Variants in ARHGAP45 observed in about 807,000 individuals in gnomAD.
The protein encoded by ARHGAP45 is Rho GTPase activating protein 45, also known as rho GTPase-activating protein 45.
ARHGAP45 carries 56 observed loss-of-function variants against 116.1 expected under a neutral mutation model. The ratio of observed to expected loss-of-function variants is 0.48; its 90% CI spans 0.39 to 0.60. ARHGAP45 has a LOEUF of 0.60. Ranked by LOEUF, ARHGAP45 falls within the 20% of genes least tolerant of loss-of-function variation. ARHGAP45 has a pLI of 0.00. For missense variants in ARHGAP45, 1,622 were observed against 1,601.0 expected, an observed-to-expected ratio of 1.01 and a Z score of -0.22; for synonymous variants, 866 against 701.7, an observed-to-expected ratio of 1.23 and a Z score of -3.70.
In ARHGAP45 at chr19:1,073,162, C is replaced by A. The variant is rs2043171427; in HGVS notation, c.435C>A (p.Ala145=). 6.2e-7 allele frequency: 1 copy of A among 1,607,590 alleles called. No homozygotes were observed. The highest frequency in any genetic ancestry group is 1.3e-5 in the African/African-American group (1 of 74,866). The stretch of plus-strand genomic sequence containing the variant: ...TCTCCCCAGCAGACCTCCTTGAGGC[C>A]CGCCGCCCGCGGGCCCACGAGTGCC... ...ECVLRDDLLE[A]RRPRAHECLG... Residue 145 remains alanine (A), a synonymous_variant, in exon 3 of 23, where the codon GCC becomes GCA. Coordinates refer to ENST00000313093, the MANE Select transcript of ARHGAP45 (RefSeq NM_012292.5).
chr19:1,082,996 C>T lies in ARHGAP45; in HGVS notation c.2674C>T (p.Arg892Trp). ...GGCGGTGGCCCTGGCAGGTCGGCTG[C>T]GGGAGCTCCTGCGGGACCTGCCGCC... Reference protein sequence around the residue: ...AVAVALAGRLRELLRDLPPEN... With the variant: ...AVAVALAGRLWELLRDLPPEN... The change falls in exon 20 of 23, where the codon CGG (arginine) becomes TGG (tryptophan). Residue 892 changes from arginine (R) to tryptophan (W), a missense_variant. Arg to Trp is a moderately radical substitution (Grantham distance 101, BLOSUM62 -3). Around this residue, in one of 3 missense-constraint regions of ARHGAP45, gnomAD observed 1,334 missense variants for 1,263.8 expected, o/e 1.06. Transcript: ENST00000313093. 1 of 1,548,650 alleles carries T rather than the reference C, an allele frequency of 6.5e-7. No individual in the cohort carries two copies. Among genetic ancestry groups the T allele is most frequent in the Non-Finnish European group, 8.7e-7 (1 of 1,151,936 alleles).
chr19:1,076,912 A>T, intron 10 of ARHGAP45: 2 of 513,038 alleles, frequency 3.9e-6, no homozygotes, highest in Non-Finnish European at 5.0e-6. Flanking sequence ...ATTTTTTTGT[A>T]GAGATGGGGT....
chr19:1,073,172 C>T lies in ARHGAP45; in HGVS notation c.445C>T (p.Arg149Trp), dbSNP rs758118205. 1.1e-5 allele frequency: 17 copies of T among 1,609,892 alleles called. No individual in the cohort carries two copies. In the South Asian group the frequency reaches 1.1e-4, roughly 10 times the overall value. ...RDDLLEARRPRAHECLGEALR... is the reference protein window; with the variant it reads ...RDDLLEARRPWAHECLGEALR... ...AGACCTCCTTGAGGCCCGCCGCCCG[C>T]GGGCCCACGAGTGCCTGGGTGAGGC... Residue 149 changes from arginine (R) to tryptophan (W), a missense_variant, in exon 3 of 23, where the codon CGG becomes TGG. Physicochemically the swap from Arg to Trp is moderately radical, Grantham distance 101. Coordinates refer to ENST00000313093, the MANE Select transcript of ARHGAP45 (RefSeq NM_012292.5).
At chr19:1,084,588 G>T (rs991283267) in intron 22 of ARHGAP45, among the ~76,000 whole-genome samples, 6 of 152,238 alleles carry the variant, frequency 3.9e-5, no homozygotes, top group African/African-American at 1.4e-4. Flanking sequence ...CCAGTAACGT[G>T]AACGTGGGGC....
At chr19:1,077,454 G>A in intron 10 of ARHGAP45, 1 of 1,017,682 alleles carries the variant, frequency 9.8e-7, no homozygotes, top group East Asian at 8.3e-5. Context: ...TTGGCTCACT[G>A]CAACCTTCGC....
rs764088710 is a variant in ARHGAP45 at position 1,082,955 on chromosome 19, C to T, written c.2633C>T (p.Ser878Leu). ...GCGTCCCGGGGCCGGCAGGACGGCT[C>T]GGAGAGCGAGGCAGTGGCGGTGGCC... ...KAASRGRQDG[S>L]ESEAVAVALA... The change falls in exon 20 of 23, where the codon TCG (serine) becomes TTG (leucine). Residue 878 changes from serine to leucine, a missense_variant. Around this residue, in one of 3 missense-constraint regions of ARHGAP45, gnomAD observed 1,334 missense variants for 1,263.8 expected, o/e 1.06. Transcript: ENST00000313093. 2 of 1,571,066 alleles carry T rather than the reference C, an allele frequency of 1.3e-6. No individual in the cohort carries two copies. Among genetic ancestry groups the T allele is most frequent in the South Asian group, 1.2e-5 (1 of 86,768 alleles).
At position 1,084,267 on chromosome 19, in the gene ARHGAP45, A is replaced by G. The variant is rs767055325; in HGVS notation, c.2985A>G (p.Val995=). 6 of 1,613,286 alleles carry G rather than the reference A, an allele frequency of 3.7e-6. No individual in the cohort carries two copies. In the Admixed American group the frequency reaches 8.3e-5, roughly 22 times the overall value. ...AGTCATCCAACCAGCGAGCTGAGGT[A>G]GTCGTCCAGGTGCCGTACCTGGAGG... ...QDESSNQRAE[V]VVQVPYLEAG... The change falls in exon 22 of 23, where the codon GTA becomes GTG. Residue 995 remains valine, a synonymous_variant. Transcript: ENST00000313093.
rs180790253 is a variant in ARHGAP45 at position 1,086,135 on chromosome 19, G to C, written c.*129G>C. On this transcript the variant is annotated 3_prime_UTR_variant, in exon 23 of 23. Transcript: ENST00000313093. ...TCGCTGCCGAGAGCGCCTGGACTTC[G>C]ACGTCCCACCAGCGGGCGCCTCCTC... 1.2e-6 allele frequency: 1 copy of C among 822,924 alleles called. No individual in the cohort carries two copies. The highest frequency in any genetic ancestry group is 1.9e-6 in the Non-Finnish European group (1 of 532,392). 51.0% of individuals were successfully genotyped at this position (822,924 alleles called of 1,614,324 possible).
chr19:1,082,294 G>A (rs1419385260), intron 19 of ARHGAP45, among the ~76,000 whole-genome samples: 2 of 150,846 alleles, frequency 1.3e-5, no homozygotes, highest in Non-Finnish European at 3.0e-5. Context: ...CCGGGGCCGG[G>A]GCTCGGTGGG....
chr19:1,067,446 C>A lies in ARHGAP45; in HGVS notation c.41C>A (p.Ser14Tyr). ...RKKRELMKTP[S>Y]ISKKNRAGSP... ...AAACGAGAGCTCATGAAAACCCCTTCCATCTCGAAAAAGAACCGCGCGGGA... is the reference window on the plus strand; with the variant it reads ...AAACGAGAGCTCATGAAAACCCCTTACATCTCGAAAAAGAACCGCGCGGGA... Residue 14 changes from serine to tyrosine, a missense_variant, in exon 1 of 23, where the codon TCC becomes TAC. Physicochemically the swap from Ser to Tyr is moderately radical, Grantham distance 144. Transcript: ENST00000313093. 1 of 1,605,586 alleles carries A rather than the reference C, an allele frequency of 6.2e-7. No homozygotes were observed. Among genetic ancestry groups the A allele is most frequent in the South Asian group, 1.1e-5 (1 of 90,116 alleles).
In ARHGAP45 at chr19:1,069,056, G is replaced by C. The variant is rs2043092004; in HGVS notation, c.421+312G>C. Among the ~76,000 whole-genome samples the C allele has an allele frequency of 6.6e-6, 1 of 152,132 alleles. No homozygotes were observed. Among genetic ancestry groups the C allele is most frequent in the Non-Finnish European group, 1.5e-5 (1 of 68,034 alleles). On this transcript the variant is annotated intron_variant, in intron 2 of 22. Coordinates refer to ENST00000313093, the MANE Select transcript of ARHGAP45 (RefSeq NM_012292.5). This position sits in a 1 kb window ranked among gnomAD's most constrained non-coding sequence, Gnocchi z 4.1. ...AACACGGAAACAGAGAATGCATTTGGGGGCCAAGGTGTGGGGTGCCGCTGG... is the reference window on the plus strand; with the variant it reads ...AACACGGAAACAGAGAATGCATTTGCGGGCCAAGGTGTGGGGTGCCGCTGG...
At position 1,081,727 on chromosome 19, in the gene ARHGAP45, C is replaced by G; in HGVS notation, c.2368C>G (p.Leu790Val). 1 of 1,568,508 alleles carries G rather than the reference C, an allele frequency of 6.4e-7. No homozygotes were observed. Among genetic ancestry groups the G allele is most frequent in the Non-Finnish European group, 8.6e-7 (1 of 1,156,930 alleles). Residue 790 changes from leucine (L) to valine (V), a missense_variant, in exon 18 of 23, where the codon CTG (leucine) becomes GTG (valine). Around this residue, in one of 3 missense-constraint regions of ARHGAP45, gnomAD observed 1,334 missense variants for 1,263.8 expected, o/e 1.06. Coordinates refer to ENST00000313093, the MANE Select transcript of ARHGAP45 (RefSeq NM_012292.5). ...KCVCEIERRA[L>V]RTKGIYRVNG... ...CGTCTGCGAGATCGAGCGGCGGGCGCTGCGCACCAAGGTGAGGCGGGGGAG... is the reference window on the plus strand; with the variant it reads ...CGTCTGCGAGATCGAGCGGCGGGCGGTGCGCACCAAGGTGAGGCGGGGGAG...
intron 10 of ARHGAP45, chr19:1,077,392 T>G (rs1339434702): frequency 2.0e-6 from 2 of 985,032 alleles, no homozygotes; most frequent in African/African-American, 3.5e-5. Context: ...TTTTTTTTTT[T>G]TTGAGCTGGA....
intron 22 of ARHGAP45, 96 bp downstream of exon 22, chr19:1,084,442 T>C (rs1046662699): frequency 1.7e-5 from 15 of 898,340 alleles, no homozygotes; most frequent in Non-Finnish European, 1.9e-5. Flanking sequence ...CGTGGCAGGG[T>C]CCACGGTGCT....
intron 10 of ARHGAP45, chr19:1,076,903 T>C: frequency 2.1e-6 from 1 of 473,006 alleles, no homozygotes; most frequent in Non-Finnish European, 2.7e-6. Context: ...AATTTTTTAA[T>C]TTTTTTGTAG....
At chr19:1,081,464 GC>G in intron 17 of ARHGAP45, 85 bp from the exon 18 acceptor site, 1 of 1,222,102 alleles carries the variant, frequency 8.2e-7, no homozygotes. Flanking sequence ...GGCTGTGAGC[GC>G]CCCGGGGAGG....
Position 1,068,452 on chromosome 19 carries a change from C to G in ARHGAP45, c.129C>G (p.Pro43=), listed in dbSNP as rs764694771. 6 of 1,580,690 alleles carry G rather than the reference C, an allele frequency of 3.8e-6. No homozygotes were observed. The highest frequency in any genetic ancestry group is 1.8e-4 in the Middle Eastern group (1 of 5,508). ...PRKDGADAVF[P]GPSLEPPAGS... The stretch of plus-strand genomic sequence containing the variant: ...AGGATGGGGCTGACGCGGTGTTCCC[C>G]GGACCAAGCCTGGAGCCGCCCGCTG... Residue 43 remains proline (P), a synonymous_variant, in exon 2 of 23, where the codon CCC becomes CCG. Transcript: ENST00000313093. This position sits in a 1 kb window ranked among gnomAD's most constrained non-coding sequence, Gnocchi z 7.5.
intron 1 of ARHGAP45, 49 bp downstream of exon 1, chr19:1,067,544 GA>G: frequency 6.7e-7 from 1 of 1,499,418 alleles, no homozygotes; most frequent in South Asian, 1.2e-5. Context: ...GCCGCAGGGG[GA>G]CAGGGACCCG....
chr19:1,067,539 A>G, intron 1 of ARHGAP45, 44 bp downstream of exon 1: 3 of 1,517,208 alleles, frequency 2.0e-6, no homozygotes, highest in Non-Finnish European at 2.7e-6. Flanking sequence ...GCCGGGCCGC[A>G]GGGGGACAGG....
Sources: gnomAD v4.1 joint callset for allele counts (sites outside exome capture counted in the v4.1 genomes callset) on GRCh38, gnomAD v4.1.1 for gene constraint, gnomAD v4.1.1 regional missense constraint, Gnocchi (gnomAD v3.1) non-coding constraint, MANE v1.5 for transcripts, NCBI Gene and HGNC (gene_info 2026-07-23, HGNC 2026-07-21) for gene names.